ARHGAP23: variants seen among roughly 807,000 people sequenced by gnomAD.
The protein encoded by ARHGAP23 is Rho GTPase activating protein 23, also known as rho GTPase-activating protein 23.
In ARHGAP23, 34 loss-of-function variants were observed where a neutral mutation model predicts 136.3. That is an observed-to-expected ratio of 0.25 (90% CI 0.19 to 0.33). The LOEUF is 0.33. Ranked by LOEUF, ARHGAP23 falls within the 10% of genes least tolerant of loss-of-function variation. The pLI, the probability that ARHGAP23 is intolerant of heterozygous loss-of-function variation, is 1.00. For missense variants in ARHGAP23, 1,808 were observed against 2,139.0 expected, an observed-to-expected ratio of 0.85 and a Z score of 3.05; for synonymous variants, 832 against 920.5, an observed-to-expected ratio of 0.90 and a Z score of 1.74.
intron 8 of ARHGAP23, 70 bp from the exon 9 acceptor site, chr17:38,469,454 G>A: frequency 1.3e-6 from 2 of 1,487,722 alleles, no homozygotes; most frequent in Non-Finnish European, 1.8e-6. Flanking sequence ...CTGCCCAGAA[G>A]GGAGGGCTCT....
chr17:38,438,030 A>G (rs976537704), intron 1 of ARHGAP23, among the ~76,000 whole-genome samples: 12 of 152,108 alleles, frequency 7.9e-5, no homozygotes, highest in Admixed American at 6.5e-4. Context: ...AGCTTGAAAG[A>G]TGTTTGCTAG....
chr17:38,490,230 C>T, intron 18 of ARHGAP23, 55 bp downstream of exon 18: 1 of 1,515,912 alleles, frequency 6.6e-7, no homozygotes. Flanking sequence ...CTGAGCACCT[C>T]TGTCCCAGGA....
rs9900135 is a variant in ARHGAP23, at chr17:38,504,816, C to T, written c.3447+4188C>T. Among the ~76,000 whole-genome samples the T allele has an allele frequency of 6.1e-3, 928 of 152,032 alleles. 9 individuals carry two copies. Among genetic ancestry groups the T allele is most frequent in the African/African-American group, 0.021 (853 of 41,436 alleles). On this transcript the variant is annotated intron_variant, in intron 23 of 23. Transcript: ENST00000622683. ...CCAGGCTGTGTCCAGGACACCCAGG[C>T]GGCGTCGGTGCCCCAAGTTACAGCC...
chr17:38,458,085 C>G lies in ARHGAP23; in HGVS notation c.64-17C>G, dbSNP rs1770389832. 6.5e-7 allele frequency: 1 copy of G among 1,535,724 alleles called. No homozygotes were observed. Among genetic ancestry groups the G allele is most frequent in the Non-Finnish European group, 8.7e-7 (1 of 1,146,836 alleles). On this transcript the variant is annotated splice_polypyrimidine_tract_variant and intron_variant, in intron 1 of 23. Coordinates refer to ENST00000622683, the MANE Select transcript of ARHGAP23 (RefSeq NM_001199417.2). ...CAGCCACACGGGCGCTCAGCCTGGCCTCTCTGTCTCCCACAGCTGCCACTG... is the reference window on the plus strand; with the variant it reads ...CAGCCACACGGGCGCTCAGCCTGGCGTCTCTGTCTCCCACAGCTGCCACTG...
At chr17:38,487,238 ATTC>A (rs1001127682) in intron 17 of ARHGAP23, among the ~76,000 whole-genome samples, 6 of 152,244 alleles carry the variant, frequency 3.9e-5, no homozygotes, top group Admixed American at 3.3e-4. Flanking sequence ...GCTCTACCTC[ATTC>A]TTCTTTTAAA....
chr17:38,432,133 AC>A (rs1297067719), intron 1 of ARHGAP23, among the ~76,000 whole-genome samples: 5 of 152,154 alleles, frequency 3.3e-5, no homozygotes, highest in Non-Finnish European at 7.4e-5. Flanking sequence ...ATATCCGTCT[AC>A]CCTACCAGGT....
chr17:38,454,632 G>C (rs1234745588), intron 1 of ARHGAP23, among the ~76,000 whole-genome samples: 1 of 152,166 alleles, frequency 6.6e-6, no homozygotes, highest in Non-Finnish European at 1.5e-5. Context: ...GCCCCTGCAG[G>C]TAGTGAGTGC....
chr17:38,443,692 A>AGGGG (rs2038967959), intron 1 of ARHGAP23, among the ~76,000 whole-genome samples: 1 of 4,622 alleles, frequency 2.2e-4, no homozygotes, highest in African/African-American at 9.8e-4. Flanking sequence ...GGCTGGGGTG[A>AGGGG]GGGGGTGGGT....
chr17:38,475,074 A>C (rs142107294), intron 11 of ARHGAP23, among the ~76,000 whole-genome samples: 6 of 152,166 alleles, frequency 3.9e-5, no homozygotes, highest in Admixed American at 3.9e-4. Context: ...CCAAAACCCG[A>C]TATCACTTGT....
At position 38,497,643 on chromosome 17, in the gene ARHGAP23, CCT is replaced by C. The variant is rs2040421944; in HGVS notation, c.3277-139_3277-138del. 6.5e-5 allele frequency: 51 copies of C among 786,830 alleles called. No homozygotes were observed. In the South Asian group the frequency reaches 8.3e-4, roughly 13 times the overall value. The allele number at this position is 786,830 out of a possible 1,614,324, so 48.7% of individuals were successfully genotyped here. On this transcript the variant is annotated intron_variant, in intron 20 of 23. Transcript: ENST00000622683. Reference sequence around the variant, plus strand: ...AGGGTCCGTCAAGCTCCCTCTGAGCCCTCTTTTGCAGCCCCGCCAGCCTGGGG... The same window carrying C: ...AGGGTCCGTCAAGCTCCCTCTGAGCCCTTTTGCAGCCCCGCCAGCCTGGGG...
chr17:38,493,578 G>A lies in ARHGAP23; in HGVS notation c.3276+2046G>A, dbSNP rs190308458. 1.8e-4 allele frequency among the ~76,000 whole-genome samples: 27 copies of A among 152,232 alleles called. No individual in the cohort carries two copies. In the East Asian group the frequency reaches 5.0e-3, roughly 28 times the overall value. ...TTCTCTGCCTCCTTGGCATCTGAAC[G>A]TAACCAGCCCTGGATGATTGTCGAG... On this transcript the variant is annotated intron_variant, in intron 20 of 23. Coordinates refer to ENST00000622683, the MANE Select transcript of ARHGAP23 (RefSeq NM_001199417.2).
At chr17:38,461,245 TC>T (rs1490301610) in intron 3 of ARHGAP23, among the ~76,000 whole-genome samples, 1 of 152,244 alleles carries the variant, frequency 6.6e-6, no homozygotes, top group African/African-American at 2.4e-5. Context: ...GCCCCTGCCC[TC>T]AAGCTGCTCC....
intron 1 of ARHGAP23, among the ~76,000 whole-genome samples, chr17:38,437,859 CTG>C (rs1229596049): frequency 6.6e-6 from 1 of 152,006 alleles, no homozygotes; most frequent in South Asian, 2.1e-4. Context: ...TTCTGCTTCT[CTG>C]TGTCTTCTGT....
Position 38,482,157 on chromosome 17 carries a change from A to C in ARHGAP23, c.2751+14A>C. 1.3e-6 allele frequency: 2 copies of C among 1,547,308 alleles called. No homozygotes were observed. The highest frequency in any genetic ancestry group is 1.7e-6 in the Non-Finnish European group (2 of 1,145,972). ...ACGGAGAACCAGGTGAGTCTCTGCC[A>C]CACGCCAGAGCAGGCCCAGCAGGGG... On this transcript the variant is annotated intron_variant, in intron 15 of 23. Coordinates refer to ENST00000622683, the MANE Select transcript of ARHGAP23 (RefSeq NM_001199417.2).
At chr17:38,428,193 C>A (rs1019282680), upstream of ARHGAP23, among the ~76,000 whole-genome samples, 7 of 152,212 alleles carry the variant, frequency 4.6e-5, no homozygotes, top group Non-Finnish European at 1.0e-4. Flanking sequence ...AGAGGCCGGG[C>A]AAGCGTCTCC....
chr17:38,469,734 A>G (rs982226073), intron 9 of ARHGAP23, 99 bp downstream of exon 9: 2 of 1,501,426 alleles, frequency 1.3e-6, no homozygotes, highest in East Asian at 4.9e-5. Flanking sequence ...TATGCATGGG[A>G]CAGTGTGCCT....
upstream of ARHGAP23, among the ~76,000 whole-genome samples, chr17:38,425,523 C>G (rs545982332): frequency 2.0e-5 from 3 of 152,314 alleles, no homozygotes; most frequent in African/African-American, 7.2e-5. Context: ...CAACCTACCC[C>G]ACCCCCTCCT....
At chr17:38,478,281 C>T (rs529614343) in intron 12 of ARHGAP23, among the ~76,000 whole-genome samples, 13 of 152,276 alleles carry the variant, frequency 8.5e-5, no homozygotes, top group Non-Finnish European at 1.6e-4. Flanking sequence ...TGAGTGTCCC[C>T]GCACCAGAAC....
chr17:38,470,021 C>T (rs2039711058), intron 10 of ARHGAP23, 117 bp downstream of exon 10: 2 of 1,293,052 alleles, frequency 1.5e-6, no homozygotes, highest in South Asian at 2.7e-5. Flanking sequence ...CTGCCTTCCT[C>T]CTCCTCCCTG....
Sources: gnomAD v4.1 joint callset for allele counts (sites outside exome capture counted in the v4.1 genomes callset) on GRCh38, gnomAD v4.1.1 for gene constraint, MANE v1.5 for transcripts, NCBI Gene and HGNC (gene_info 2026-07-23, HGNC 2026-07-21) for gene names.